Variants in NFX1 observed in about 807,000 individuals in gnomAD.
The protein encoded by NFX1 is transcriptional repressor NF-X1.
In NFX1, 69 loss-of-function variants were observed where a neutral mutation model predicts 137.2. That is an observed-to-expected ratio of 0.50 (90% confidence interval 0.41 to 0.61). NFX1 has a LOEUF of 0.61. Among genes scored for constraint, NFX1 ranks in the 20% least tolerant of loss-of-function variants. NFX1 has a pLI of 0.00. For missense variants in NFX1, 1,167 were observed against 1,391.0 expected (o/e 0.84, Z 2.56); for synonymous variants, 495 against 474.1 (o/e 1.04, Z -0.57).
At chr9:33,368,836 G>A (rs1190672014) in intron 23 of NFX1, among the ~76,000 whole-genome samples, 3 of 152,144 alleles carry the variant, frequency 2.0e-5, no homozygotes, top group Admixed American at 6.5e-5. Context: ...GCTAGGTGTT[G>A]CCCATTGAGC....
chr9:33,359,879 A>G (rs1158950952), intron 19 of NFX1, among the ~76,000 whole-genome samples: 3 of 152,226 alleles, frequency 2.0e-5, no homozygotes, highest in Non-Finnish European at 4.4e-5. Context: ...GTTTAAGATA[A>G]AAAGTTAGAC....
At chr9:33,302,063 C>T (rs1821587292) in intron 3 of NFX1, among the ~76,000 whole-genome samples, 1 of 152,138 alleles carries the variant, frequency 6.6e-6, no homozygotes, top group Non-Finnish European at 1.5e-5. Flanking sequence ...CAGAGCAAGA[C>T]CCTGTCTCAA....
intron 15 of NFX1, 140 bp downstream of exon 15, chr9:33,347,257 A>G: frequency 1.5e-6 from 1 of 651,124 alleles, no homozygotes. Flanking sequence ...TTTTTTCTTA[A>G]GATATAATTT....
At position 33,295,446 on chromosome 9, in the gene NFX1, G is replaced by A. The variant is rs1271569237; in HGVS notation, c.1033+19G>A. 1 of 1,575,606 alleles carries A rather than the reference G, an allele frequency of 6.3e-7. No individual in the cohort carries two copies. Among genetic ancestry groups the A allele is most frequent in the East Asian group, 2.3e-5 (1 of 44,312 alleles). Reference sequence around the variant, plus strand: ...CACACAGGTAAACCTACCTAGATAGGAAATATTTTGTTGTCTTTTTAATTT... The same window carrying A: ...CACACAGGTAAACCTACCTAGATAGAAAATATTTTGTTGTCTTTTTAATTT... On this transcript the variant is annotated intron_variant, in intron 2 of 23. Coordinates refer to ENST00000379540, the MANE Select transcript of NFX1 (RefSeq NM_002504.6).
chr9:33,290,713 A>G (rs1821125390), intron 1 of NFX1, 116 bp downstream of exon 1: 1 of 1,026,300 alleles, frequency 9.7e-7, no homozygotes, highest in Non-Finnish European at 1.4e-6. Flanking sequence ...GCTAGGGCGT[A>G]GGATAGTGGC....
intron 9 of NFX1, among the ~76,000 whole-genome samples, chr9:33,328,042 G>A (rs1488921120): frequency 6.6e-6 from 1 of 152,166 alleles, no homozygotes; most frequent in Non-Finnish European, 1.5e-5. Flanking sequence ...ACAGGGTCTT[G>A]CTCTGTCACC....
chr9:33,306,796 C>T, intron 4 of NFX1, among the ~76,000 whole-genome samples: 1 of 152,298 alleles, frequency 6.6e-6, no homozygotes, highest in Middle Eastern at 3.4e-3. Context: ...TGCCTCCCCC[C>T]TTTCCCCACG....
chr9:33,347,765 T>G (rs1489574908), intron 15 of NFX1: 3 of 341,384 alleles, frequency 8.8e-6, no homozygotes, highest in Non-Finnish European at 1.8e-5. Flanking sequence ...ATTGCAAAAA[T>G]GTGGAACCAG....
chr9:33,339,371 T>A (rs1015604609), intron 12 of NFX1, among the ~76,000 whole-genome samples: 2 of 152,146 alleles, frequency 1.3e-5, no homozygotes, highest in Non-Finnish European at 2.9e-5. Context: ...GGAAATGGCC[T>A]TAGAAAGCCA....
In NFX1 at chr9:33,294,720, T is replaced by G; in HGVS notation, c.326T>G (p.Leu109Trp). 6.2e-7 allele frequency: 1 copy of G among 1,613,848 alleles called. No homozygotes were observed. The highest frequency in any genetic ancestry group is 8.5e-7 in the Non-Finnish European group (1 of 1,179,978). The change falls in exon 2 of 24, where the codon TTG (leucine) becomes TGG (tryptophan). Residue 109 changes from leucine to tryptophan, a missense_variant. Leu to Trp is a moderately conservative substitution (Grantham distance 61, BLOSUM62 -2). Around this residue, in one of 3 missense-constraint regions of NFX1, gnomAD observed 367 missense variants for 386.7 expected, o/e 0.95. Transcript: ENST00000379540. Reference protein sequence around the residue: ...HGLQNQPWQKLRNEKHHIRVK... With the variant: ...HGLQNQPWQKWRNEKHHIRVK... ...CTTCAGAATCAACCTTGGCAGAAATTGAGGAATGAGAAGCACCATATCAGA... is the reference window on the plus strand; with the variant it reads ...CTTCAGAATCAACCTTGGCAGAAATGGAGGAATGAGAAGCACCATATCAGA...
intron 14 of NFX1, among the ~76,000 whole-genome samples, chr9:33,346,138 C>T (rs938721144): frequency 6.6e-6 from 1 of 152,174 alleles, no homozygotes; most frequent in Admixed American, 6.6e-5. Context: ...GCCCTCCCAG[C>T]GTAGTTTGCA....
In NFX1 at chr9:33,323,914, A is replaced by C. The variant is rs913271213; in HGVS notation, c.1907-4667A>C. Among the ~76,000 whole-genome samples, 4 of 152,064 alleles carry C rather than the reference A, an allele frequency of 2.6e-5. No homozygotes were observed. In the East Asian group the frequency reaches 7.7e-4, roughly 29 times the overall value. On this transcript the variant is annotated intron_variant, in intron 9 of 23. Coordinates refer to ENST00000379540, the MANE Select transcript of NFX1 (RefSeq NM_002504.6). ...CTAGTTTTAAAAGAGGCCCAAATGG[A>C]AATTCTGAAGTTTAAAAGTAGGATA... is the stretch of plus-strand genomic sequence containing the variant.
intron 22 of NFX1, 22 bp from the exon 23 acceptor site, chr9:33,367,493 T>G: frequency 6.2e-7 from 1 of 1,610,542 alleles, no homozygotes; most frequent in South Asian, 1.1e-5. Flanking sequence ...TTTTCAATGC[T>G]TGGTGTTTTG....
chr9:33,310,557 C>A (rs760316374), intron 5 of NFX1, among the ~76,000 whole-genome samples: 1 of 152,156 alleles, frequency 6.6e-6, no homozygotes, highest in Non-Finnish European at 1.5e-5. Context: ...GACCCCCTTC[C>A]CTTTCATTCT....
intron 14 of NFX1, 145 bp downstream of exon 14, chr9:33,344,333 G>C (rs1564136591): frequency 8.6e-7 from 1 of 1,156,666 alleles, no homozygotes; most frequent in Non-Finnish European, 1.2e-6. Context: ...CTGAAGGTGG[G>C]TCTGTGATCT....
Position 33,312,553 on chromosome 9 carries a change from G to A in NFX1, c.1449-1101G>A, listed in dbSNP as rs1821999125. Among the ~76,000 whole-genome samples the A allele has an allele frequency of 2.0e-5, 3 of 152,254 alleles. No homozygotes were observed. In the South Asian group the frequency reaches 6.2e-4, roughly 31 times the overall value. ...AAGTGCTTAACCATTACCCTAGAAA[G>A]AGACTTGAAGACAATTGTCTAAAAG... On this transcript the variant is annotated intron_variant, in intron 6 of 23. Coordinates refer to ENST00000379540, the MANE Select transcript of NFX1 (RefSeq NM_002504.6).
chr9:33,369,224 C>A (rs534957501), intron 23 of NFX1, among the ~76,000 whole-genome samples: 1 of 152,080 alleles, frequency 6.6e-6, no homozygotes, highest in African/African-American at 2.4e-5. Context: ...TGCCACCACG[C>A]CCGGCTAATT....
chr9:33,319,365 G>A (rs1822298010), intron 9 of NFX1, among the ~76,000 whole-genome samples: 1 of 152,160 alleles, frequency 6.6e-6, no homozygotes, highest in African/African-American at 2.4e-5. Context: ...GGACAACTGT[G>A]GTGAGTTACT....
chr9:33,292,597 C>T (rs1409425828), intron 1 of NFX1, among the ~76,000 whole-genome samples: 1 of 152,166 alleles, frequency 6.6e-6, no homozygotes, highest in African/African-American at 2.4e-5. Flanking sequence ...TTGCCATGGC[C>T]AGTTTCCTGA....
Sources: allele counts gnomAD v4.1 joint callset (sites outside exome capture counted in the v4.1 genomes callset), GRCh38; gene constraint gnomAD v4.1.1; regional missense constraint gnomAD v4.1.1; transcripts MANE v1.5; gene names NCBI Gene and HGNC (gene_info 2026-07-23, HGNC 2026-07-21).